The following LRMDA variants were observed in gnomAD, a reference collection of about 807,000 sequenced individuals.
LRMDA encodes leucine rich melanocyte differentiation associated.
LRMDA carries 18 observed loss-of-function variants against 29.8 expected under a neutral mutation model. The observed-to-expected ratio is 0.60, with a 90% CI of 0.42 to 0.90. The LOEUF is 0.90. LRMDA is among the 40% of genes least tolerant of loss of function. The pLI is 0.00. For synonymous variants in LRMDA, 125 were observed against 109.4 expected (o/e 1.14, Z -0.89); for missense variants, 273 against 273.9 (o/e 1.00, Z 0.02).
At chr10:75,713,386 A>G (rs1398240257) in intron 2 of LRMDA, among the ~76,000 whole-genome samples, 1 of 152,230 alleles carries the variant, frequency 6.6e-6, no homozygotes, top group East Asian at 1.9e-4. Flanking sequence ...ATTGCACAAA[A>G]CAGCAGAAGA....
At chr10:76,509,607 G>A (rs1028886093) in intron 6 of LRMDA, among the ~76,000 whole-genome samples, 1 of 152,148 alleles carries the variant, frequency 6.6e-6, no homozygotes, top group African/African-American at 2.4e-5. Flanking sequence ...CTTAATTTGG[G>A]GAAATGAGAA....
chr10:75,967,348 C>CA (rs762471549), intron 2 of LRMDA, among the ~76,000 whole-genome samples: 15 of 150,822 alleles, frequency 9.9e-5, no homozygotes, highest in East Asian at 7.8e-4. Flanking sequence ...ACAATTTGTA[C>CA]AAAAAAAAAT....
chr10:76,131,216 G>A (rs1013416074), intron 5 of LRMDA, among the ~76,000 whole-genome samples: 5 of 152,042 alleles, frequency 3.3e-5, no homozygotes, highest in South Asian at 4.2e-4. Flanking sequence ...GCCTTCTTCT[G>A]TCTCTGCCTT....
At chr10:75,644,602 C>A (rs1022787600) in intron 2 of LRMDA, among the ~76,000 whole-genome samples, 2 of 152,114 alleles carry the variant, frequency 1.3e-5, no homozygotes, top group African/African-American at 2.4e-5. Context: ...AGCAGGGTGG[C>A]TGAGCCGGCT....
intron 2 of LRMDA, among the ~76,000 whole-genome samples, chr10:76,002,712 A>G (rs1847582158): frequency 6.6e-6 from 1 of 152,222 alleles, no homozygotes; most frequent in African/African-American, 2.4e-5. Context: ...GGCCAGGAGC[A>G]TGTCTGGAGG....
intron 6 of LRMDA, among the ~76,000 whole-genome samples, chr10:76,527,021 TAAAA>T (rs1165346405): frequency 9.9e-4 from 58 of 58,672 alleles, no homozygotes; most frequent in Admixed American, 1.2e-3. Flanking sequence ...AATAAATAAA[TAAAA>T]ATGCCCTAAA....
At chr10:76,117,930 G>A (rs1849694694) in intron 5 of LRMDA, among the ~76,000 whole-genome samples, 3 of 152,146 alleles carry the variant, frequency 2.0e-5, no homozygotes, top group Admixed American at 2.0e-4. Flanking sequence ...TATAGGCTGA[G>A]ATGCCAAAAA....
At chr10:75,898,104 G>A (rs947126193) in intron 2 of LRMDA, among the ~76,000 whole-genome samples, 3 of 152,088 alleles carry the variant, frequency 2.0e-5, no homozygotes, top group Non-Finnish European at 2.9e-5. Flanking sequence ...GATTACAGGC[G>A]TGAGCCACTG....
chr10:76,456,953 T>C (rs1842462701), intron 6 of LRMDA, among the ~76,000 whole-genome samples: 1 of 152,170 alleles, frequency 6.6e-6, no homozygotes, highest in African/African-American at 2.4e-5. Flanking sequence ...AAGTTGAAGA[T>C]AGGAAGTTGA....
chr10:75,901,269 T>C (rs1418139921), intron 2 of LRMDA, among the ~76,000 whole-genome samples: 4 of 151,976 alleles, frequency 2.6e-5, no homozygotes, highest in Non-Finnish European at 5.9e-5. Flanking sequence ...AATTCAAATC[T>C]CCTTGTCTTT....
At chr10:76,152,822 A>C (rs1045697621) in intron 5 of LRMDA, among the ~76,000 whole-genome samples, 4 of 151,056 alleles carry the variant, frequency 2.6e-5, no homozygotes, top group African/African-American at 9.7e-5. Context: ...ATCTTCTTTA[A>C]AAAACTGTCT....
chr10:75,523,812 T>C (rs1244130579), intron 2 of LRMDA, among the ~76,000 whole-genome samples: 1 of 152,096 alleles, frequency 6.6e-6, no homozygotes, highest in Non-Finnish European at 1.5e-5. Flanking sequence ...CCTGCATCCT[T>C]TCTTCTCTCT....
chr10:75,910,306 T>C (rs965308333), intron 2 of LRMDA, among the ~76,000 whole-genome samples: 3 of 152,186 alleles, frequency 2.0e-5, no homozygotes, highest in African/African-American at 7.2e-5. Flanking sequence ...AAGAGCTGGG[T>C]TCAAATTCTA....
At chr10:76,128,386 T>A (rs1334999084) in intron 5 of LRMDA, among the ~76,000 whole-genome samples, 1 of 152,150 alleles carries the variant, frequency 6.6e-6, no homozygotes, top group Non-Finnish European at 1.5e-5. Flanking sequence ...GAGGCTGAAG[T>A]TCTGTCAATG....
intron 5 of LRMDA, among the ~76,000 whole-genome samples, chr10:76,278,261 T>C (rs1025849423): frequency 6.6e-6 from 1 of 152,162 alleles, no homozygotes; most frequent in Non-Finnish European, 1.5e-5. Flanking sequence ...TCAAAGTAGA[T>C]AGCTTTTCTC....
chr10:75,988,621 A>G (rs1564624073), intron 2 of LRMDA, among the ~76,000 whole-genome samples: 1 of 152,080 alleles, frequency 6.6e-6, no homozygotes, highest in African/African-American at 2.4e-5. Flanking sequence ...TAGTATAATA[A>G]TAATACATTT....
chr10:75,777,520 G>A (rs1345732425), intron 2 of LRMDA, among the ~76,000 whole-genome samples: 2 of 152,250 alleles, frequency 1.3e-5, no homozygotes, highest in Admixed American at 6.5e-5. Context: ...GCAACAAGCT[G>A]CTTTTGTTGA....
chr10:75,521,278 C>G (rs1845354173), intron 2 of LRMDA, among the ~76,000 whole-genome samples: 1 of 152,232 alleles, frequency 6.6e-6, no homozygotes. Context: ...ACAGAAGTTT[C>G]TGCTGCCTTT....
chr10:75,827,015 A>G (rs1479556966), intron 2 of LRMDA, among the ~76,000 whole-genome samples: 2 of 152,110 alleles, frequency 1.3e-5, no homozygotes, highest in African/African-American at 4.8e-5. Flanking sequence ...CCGGCCTTCT[A>G]TTTTCAGATA....
Sources: gnomAD v4.1 joint callset for allele counts (sites outside exome capture counted in the v4.1 genomes callset) on GRCh38, gnomAD v4.1.1 for gene constraint, MANE v1.5 for transcripts, NCBI Gene and HGNC (gene_info 2026-07-23, HGNC 2026-07-21) for gene names.